Variants in TECPR1 observed in about 807,000 individuals in gnomAD.
TECPR1 encodes tectonin beta-propeller repeat containing 1.
A neutral mutation model predicts 162.4 loss-of-function variants in TECPR1; 122 were observed. That is an observed-to-expected ratio of 0.75 (90% confidence interval 0.65 to 0.87). The LOEUF (loss-of-function observed/expected upper bound fraction) is 0.87, where lower values mean the gene tolerates loss of function less well. TECPR1 is among the 40% of genes least tolerant of loss of function. The pLI is 0.00. For missense variants in TECPR1, 1,432 were observed against 1,618.2 expected (o/e 0.88, Z 1.97); for synonymous variants, 642 against 670.6 (o/e 0.96, Z 0.66).
At position 98,236,886 on chromosome 7, in the gene TECPR1, G is replaced by A. The variant is rs1798616377; in HGVS notation, c.1071C>T (p.Tyr357=). Residue 357 remains tyrosine, a synonymous_variant, in exon 10 of 26, where the codon TAC becomes TAT. Transcript: ENST00000447648. Reference sequence around the variant, plus strand: ...CGCTGGGGGTGACACCCTGCCGGAAGTACACGGCTCGGTCCTCACAGCCAA... The same window carrying A: ...CGCTGGGGGTGACACCCTGCCGGAAATACACGGCTCGGTCCTCACAGCCAA... ...WGIGCEDRAV[Y]FRQGVTPSEL... 2 of 1,578,726 alleles carry A rather than the reference G, an allele frequency of 1.3e-6. No homozygotes were observed. The highest frequency in any genetic ancestry group is 1.2e-5 in the South Asian group (1 of 85,966).
intron 10 of TECPR1, among the ~76,000 whole-genome samples, chr7:98,235,492 T>A (rs1798570580): frequency 7.4e-6 from 1 of 135,282 alleles, no homozygotes; most frequent in Non-Finnish European, 1.5e-5. Flanking sequence ...GCCGTGGCAC[T>A]CCAGCCTGGG....
intron 10 of TECPR1, among the ~76,000 whole-genome samples, chr7:98,235,849 A>AAAAAAAAAAAACAC: frequency 9.1e-6 from 1 of 110,258 alleles, no homozygotes; most frequent in African/African-American, 3.1e-5. Context: ...AAAAAAAAAA[A>AAAAAAAAAAAACAC]AACACCATCT....
chr7:98,232,806 C>CGCAGCCACCGGG lies in TECPR1; in HGVS notation c.1818+9_1818+20dup, dbSNP rs1380898957. ...GCTGGAAAAAAAAAAAAAATGCATG[C>CGCAGCCACCGGG]GCAGCCACCGGGGCACCCACCTGCT... is the stretch of plus-strand genomic sequence containing the variant. On this transcript the variant is annotated intron_variant, in intron 12 of 25. Coordinates refer to ENST00000447648, the MANE Select transcript of TECPR1 (RefSeq NM_015395.3). The surrounding 1 kb of genome is among the most constrained non-coding windows in gnomAD (Gnocchi z 4.6). 1 of 1,528,170 alleles carries CGCAGCCACCGGG rather than the reference C, an allele frequency of 6.5e-7. No individual in the cohort carries two copies. Among genetic ancestry groups the CGCAGCCACCGGG allele is most frequent in the Non-Finnish European group, 8.8e-7 (1 of 1,141,548 alleles). 94.7% of individuals were successfully genotyped at this position (1,528,170 alleles called of 1,614,324 possible).
chr7:98,217,246 A>G lies in TECPR1; in HGVS notation c.*144T>C. On this transcript the variant is annotated 3_prime_UTR_variant, in exon 26 of 26. Transcript: ENST00000447648. ...GGGCCGTCTCAGCCAGTGCCTCTGA[A>G]GTGGCCGCAGCCTTGGGGCCAGGTT... 1.6e-6 allele frequency: 1 copy of G among 614,406 alleles called. No homozygotes were observed. Among genetic ancestry groups the G allele is most frequent in the Non-Finnish European group, 2.9e-6 (1 of 350,866 alleles). The allele number at this position is 614,406 out of a possible 1,614,324, so 38.1% of individuals were successfully genotyped here. A position where few individuals can be genotyped will look rare whatever the true frequency, so the allele number is the denominator to read the frequency against.
intron 8 of TECPR1, among the ~76,000 whole-genome samples, chr7:98,240,256 C>T (rs902264596): frequency 1.3e-5 from 2 of 152,096 alleles, no homozygotes; most frequent in Admixed American, 1.3e-4. Flanking sequence ...AATTCGCTTC[C>T]GATTCTTCGA....
chr7:98,216,973 G>A lies in TECPR1; in HGVS notation c.*417C>T. 1 of 179,252 alleles carries A rather than the reference G, an allele frequency of 5.6e-6. No homozygotes were observed. Among genetic ancestry groups the A allele is most frequent in the Non-Finnish European group, 1.2e-5 (1 of 84,474 alleles). The allele number at this position is 179,252 out of a possible 1,614,324, so 11.1% of individuals were successfully genotyped here. Reference sequence around the variant, plus strand: ...CCCCATGGCCATCTCTCTTGGTGAGGGGTGGCGGGCCCGGGTGCTGTCTGA... The same window carrying A: ...CCCCATGGCCATCTCTCTTGGTGAGAGGTGGCGGGCCCGGGTGCTGTCTGA... On this transcript the variant is annotated 3_prime_UTR_variant, in exon 26 of 26. Transcript: ENST00000447648.
At chr7:98,225,721 A>G (rs574513637) in intron 17 of TECPR1, among the ~76,000 whole-genome samples, 65 of 152,142 alleles carry the variant, frequency 4.3e-4, no homozygotes, top group Non-Finnish European at 7.6e-4. Context: ...GGGTATGATC[A>G]TAGCTCACTG....
rs375594214 is a variant in TECPR1, at chr7:98,230,950, G to A, written c.2282+11C>T. 176 of 1,608,144 alleles carry A rather than the reference G, an allele frequency of 1.1e-4. No individual in the cohort carries two copies. Among genetic ancestry groups the A allele is most frequent in the Non-Finnish European group, 1.4e-4 (166 of 1,177,584 alleles). On this transcript the variant is annotated intron_variant, in intron 15 of 25. Transcript: ENST00000447648. Reference sequence around the variant, plus strand: ...AGGCCCCAGACCCCACCCAGAGTGCGGCTCACTCACATCTGGTCGCAGGGC... The same window carrying A: ...AGGCCCCAGACCCCACCCAGAGTGCAGCTCACTCACATCTGGTCGCAGGGC...
intron 2 of TECPR1, among the ~76,000 whole-genome samples, chr7:98,247,122 AG>A (rs1798931082): frequency 6.6e-6 from 1 of 151,464 alleles, no homozygotes; most frequent in African/African-American, 2.4e-5. Context: ...TAGGTGACAG[AG>A]GGAGACCCTG....
chr7:98,238,734 T>C (rs1798666677), intron 8 of TECPR1, 124 bp from the exon 9 acceptor site: 2 of 778,732 alleles, frequency 2.6e-6, no homozygotes, highest in African/African-American at 3.4e-5. Flanking sequence ...AAATGAGCAG[T>C]GGTACATCAT....
At chr7:98,221,978 G>C (rs1382301037) in intron 22 of TECPR1, among the ~76,000 whole-genome samples, 1 of 152,228 alleles carries the variant, frequency 6.6e-6, no homozygotes, top group African/African-American at 2.4e-5. Flanking sequence ...CAACACAAAG[G>C]CTTCCTGTGC....
chr7:98,225,025 G>A lies in TECPR1; in HGVS notation c.2591C>T (p.Pro864Leu), dbSNP rs1342664140. ...CCTCACCCAGGCCCACTGCAGGGAC[G>A]GGGGCTTCGTGCCAGCCTTCGTGCA... is the stretch of plus-strand genomic sequence containing the variant. ...QECTKAGTKP[P>L]SLQWAWVSDW... The change falls in exon 18 of 26, where the codon CCG becomes CTG. Residue 864 changes from proline (P) to leucine (L), a missense_variant. Physicochemically the swap from Pro to Leu is moderately conservative, Grantham distance 98 (BLOSUM62 -3). Coordinates refer to ENST00000447648, the MANE Select transcript of TECPR1 (RefSeq NM_015395.3). 15 of 1,553,714 alleles carry A rather than the reference G, an allele frequency of 9.7e-6. No homozygotes were observed. The highest frequency in any genetic ancestry group is 4.8e-5 in the East Asian group (2 of 41,416).
intron 10 of TECPR1, 107 bp downstream of exon 10, chr7:98,236,669 G>C: frequency 4.9e-6 from 7 of 1,437,480 alleles, no homozygotes; most frequent in Non-Finnish European, 6.6e-6. Context: ...CCTGGGACAA[G>C]TCCTGGGACC....
intron 23 of TECPR1, among the ~76,000 whole-genome samples, chr7:98,220,740 A>G (rs1798120534): frequency 6.6e-6 from 1 of 152,042 alleles, no homozygotes; most frequent in South Asian, 2.1e-4. Flanking sequence ...TTGTATTTTT[A>G]GTAGAGACAG....
Position 98,245,080 on chromosome 7 carries a change from G to T in TECPR1, c.226-13C>A. On this transcript the variant is annotated splice_polypyrimidine_tract_variant and intron_variant, in intron 3 of 25. Coordinates refer to ENST00000447648, the MANE Select transcript of TECPR1 (RefSeq NM_015395.3). Reference sequence around the variant, plus strand: ...TGGGATTCCAGCGCTGAGGGCCGGGGACACAGAGGCGGCCTTGGACCCAAG... The same window carrying T: ...TGGGATTCCAGCGCTGAGGGCCGGGTACACAGAGGCGGCCTTGGACCCAAG... The T allele has an allele frequency of 1.3e-6, 2 of 1,567,906 alleles. No individual in the cohort carries two copies. The highest frequency in any genetic ancestry group is 3.8e-5 in the Admixed American group (2 of 53,058).
intron 3 of TECPR1, 40 bp from the exon 4 acceptor site, chr7:98,245,107 C>T (rs1425878837): frequency 1.3e-6 from 2 of 1,551,988 alleles, no homozygotes; most frequent in South Asian, 2.4e-5. Context: ...GGACCCAAGC[C>T]TGCTGGGCGG....
At position 98,217,747 on chromosome 7, in the gene TECPR1, C is replaced by A; in HGVS notation, c.3329G>T (p.Arg1110Leu). The A allele has an allele frequency of 1.3e-6, 2 of 1,550,548 alleles. No individual in the cohort carries two copies. Among genetic ancestry groups the A allele is most frequent in the Non-Finnish European group, 1.7e-6 (2 of 1,146,922 alleles). ...HSLSRGTVCHRTGVQPHEPKG... is the reference protein window; with the variant it reads ...HSLSRGTVCHLTGVQPHEPKG... The stretch of plus-strand genomic sequence containing the variant: ...GGGCTCGTGAGGCTGCACGCCGGTG[C>A]GATGACACACTGTCCCCCGGCTCAG... Residue 1110 changes from arginine (R) to leucine (L), a missense_variant, in exon 25 of 26, where the codon CGC becomes CTC. Transcript: ENST00000447648.
chr7:98,234,434 G>A (rs923757241), intron 10 of TECPR1, among the ~76,000 whole-genome samples: 4 of 152,176 alleles, frequency 2.6e-5, no homozygotes, highest in African/African-American at 4.8e-5. Context: ...GATTACAGGC[G>A]TGAGCCACCG....
chr7:98,222,981 G>C lies in TECPR1; in HGVS notation c.2928+9C>G. The C allele has an allele frequency of 6.2e-7, 1 of 1,611,042 alleles. No individual in the cohort carries two copies. Among genetic ancestry groups the C allele is most frequent in the South Asian group, 1.1e-5 (1 of 90,736 alleles). ...TTTCAAGAAGAATCTGTCTGGCCCCGGCACTCACCGCAGGGTTGAGCTCCG... is the reference window on the plus strand; with the variant it reads ...TTTCAAGAAGAATCTGTCTGGCCCCCGCACTCACCGCAGGGTTGAGCTCCG... On this transcript the variant is annotated intron_variant, in intron 21 of 25. Coordinates refer to ENST00000447648, the MANE Select transcript of TECPR1 (RefSeq NM_015395.3).
Sources: allele counts gnomAD v4.1 joint callset (sites outside exome capture counted in the v4.1 genomes callset), GRCh38; gene constraint gnomAD v4.1.1; non-coding constraint Gnocchi (gnomAD v3.1); transcripts MANE v1.5; gene names NCBI Gene and HGNC (gene_info 2026-07-23, HGNC 2026-07-21).